Variants in ACBD6 observed in about 807,000 individuals in gnomAD.
The protein encoded by ACBD6 is acyl-CoA-binding domain-containing protein 6.
A neutral mutation model predicts 37.2 loss-of-function variants in ACBD6; 28 were observed. That is an observed-to-expected ratio of 0.75 (90% CI 0.56 to 1.03). The LOEUF (loss-of-function observed/expected upper bound fraction) is 1.03, where lower values mean the gene tolerates loss of function less well. Among genes scored for constraint, ACBD6 ranks in the 50% least tolerant of loss-of-function variants. The probability of loss-of-function intolerance (pLI) is 0.00; values close to 1 mark genes in which losing one functional copy is unlikely to be tolerated. For synonymous variants in ACBD6, 113 were observed against 126.8 expected (o/e 0.89, Z 0.73); for missense variants, 340 against 337.4 (o/e 1.01, Z -0.06).
intron 6 of ACBD6, among the ~76,000 whole-genome samples, chr1:180,383,387 C>T (rs1653732230): frequency 6.6e-6 from 1 of 152,022 alleles, no homozygotes; most frequent in Admixed American, 6.6e-5. Context: ...GGTTTCCGTA[C>T]CCCAATAATG....
chr1:180,459,295 A>T (rs1224902480), intron 3 of ACBD6, among the ~76,000 whole-genome samples: 1 of 152,216 alleles, frequency 6.6e-6, no homozygotes, highest in Non-Finnish European at 1.5e-5. Flanking sequence ...AATTATAATT[A>T]CTGTTCTATT....
intron 4 of ACBD6, among the ~76,000 whole-genome samples, chr1:180,421,550 C>A (rs1008794364): frequency 2.6e-5 from 4 of 152,114 alleles, no homozygotes; most frequent in Non-Finnish European, 5.9e-5. Context: ...GTTATTTCTG[C>A]CTCTAGGTCT....
At chr1:180,435,208 G>A in intron 3 of ACBD6, 1 of 685,074 alleles carries the variant, frequency 1.5e-6, no homozygotes, top group Non-Finnish European at 2.7e-6. Context: ...TCCATCTGGG[G>A]TACTCTGGTG....
chr1:180,364,472 T>A (rs780269273), intron 6 of ACBD6, among the ~76,000 whole-genome samples: 1 of 152,242 alleles, frequency 6.6e-6, no homozygotes, highest in Non-Finnish European at 1.5e-5. Flanking sequence ...GGTTGACACC[T>A]GGAAGGGAGG....
At chr1:180,419,866 G>A (rs140921702) in intron 4 of ACBD6, among the ~76,000 whole-genome samples, 17 of 150,262 alleles carry the variant, frequency 1.1e-4, no homozygotes, top group African/African-American at 3.5e-4. Context: ...AGAGGTGGCA[G>A]GTGAGGCAGG....
At chr1:180,457,581 G>T (rs1438500510) in intron 3 of ACBD6, among the ~76,000 whole-genome samples, 1 of 152,068 alleles carries the variant, frequency 6.6e-6, no homozygotes, top group Non-Finnish European at 1.5e-5. Flanking sequence ...TAGTGCTAAG[G>T]AATCTTACAA....
exon 14 of ACBD6, chr1:180,271,561 C>T (rs373498977): frequency 9.9e-6 from 16 of 1,613,392 alleles, no homozygotes; most frequent in Non-Finnish European, 1.3e-5. Context: ...CCTGTGCCCT[C>T]CGGGGATCCC....
intron 5 of ACBD6, among the ~76,000 whole-genome samples, chr1:180,408,354 T>A (rs1306180281): frequency 6.6e-6 from 1 of 152,154 alleles, no homozygotes; most frequent in Admixed American, 6.5e-5. Flanking sequence ...AAATGATGAG[T>A]TCATGTCCTT....
chr1:180,274,053 C>A, exon 11 of ACBD6: 2 of 1,131,014 alleles, frequency 1.8e-6, no homozygotes, highest in Non-Finnish European at 2.6e-6. Flanking sequence ...GTGTGTCTGA[C>A]CCATGCTTGG....
chr1:180,360,900 T>C (rs1423709539), intron 6 of ACBD6, among the ~76,000 whole-genome samples: 1 of 152,118 alleles, frequency 6.6e-6, no homozygotes, highest in African/African-American at 2.4e-5. Flanking sequence ...CATCAACGGA[T>C]GTGTTGGAAG....
chr1:180,487,931 CCA>C (rs1651339265), intron 3 of ACBD6, among the ~76,000 whole-genome samples: 1 of 152,124 alleles, frequency 6.6e-6, no homozygotes, highest in Non-Finnish European at 1.5e-5. Context: ...TTAGTACTAG[CCA>C]CAGTTTCAGG....
chr1:180,446,169 A>G (rs1346445549), intron 3 of ACBD6, among the ~76,000 whole-genome samples: 2 of 139,864 alleles, frequency 1.4e-5, no homozygotes, highest in Non-Finnish European at 3.1e-5. Flanking sequence ...CGCCGGGATA[A>G]TTTTTTTTTT....
At chr1:180,359,592 C>T (rs75221142) in intron 6 of ACBD6, among the ~76,000 whole-genome samples, 221 of 152,254 alleles carry the variant, frequency 1.5e-3, no homozygotes, top group African/African-American at 5.0e-3. Flanking sequence ...TGAATTACTA[C>T]CAAGCATTTA....
intron 3 of ACBD6, among the ~76,000 whole-genome samples, chr1:180,479,305 T>C (rs2102068214): frequency 6.6e-6 from 1 of 152,306 alleles, no homozygotes. Flanking sequence ...AATGAAATAT[T>C]ACGCAGCTAT....
intron 6 of ACBD6, among the ~76,000 whole-genome samples, chr1:180,347,364 T>G (rs1571390684): frequency 3.7e-5 from 5 of 136,478 alleles, no homozygotes; most frequent in South Asian, 2.2e-4. Flanking sequence ...CAGAAAGTTT[T>G]TTTTTTTTTT....
chr1:180,322,744 T>TC (rs1398033421), intron 6 of ACBD6, among the ~76,000 whole-genome samples: 2 of 151,270 alleles, frequency 1.3e-5, no homozygotes, highest in Admixed American at 1.3e-4. Flanking sequence ...GTCTTCTCTT[T>TC]TTTTTTTTTA....
intron 6 of ACBD6, among the ~76,000 whole-genome samples, chr1:180,388,453 T>C (rs1339964528): frequency 6.6e-6 from 1 of 152,250 alleles, no homozygotes; most frequent in Non-Finnish European, 1.5e-5. Flanking sequence ...GTATTTCCCA[T>C]CTGGTTTTAT....
In ACBD6 at chr1:180,405,873, G is replaced by A. The variant is rs143478972; in HGVS notation, c.573+7493C>T. 1.1e-4 allele frequency among the ~76,000 whole-genome samples: 17 copies of A among 152,080 alleles called. 1 individual carries two copies. In the East Asian group the frequency reaches 3.1e-3, roughly 28 times the overall value. On this transcript the variant is annotated intron_variant, in intron 5 of 7. Coordinates refer to ENST00000367595, the MANE Select transcript of ACBD6 (RefSeq NM_032360.4). Reference sequence around the variant, plus strand: ...TATGTGTGAAGAGCTGTACTAATGTGGGTCAAGGATAAAAATTGAACCGCC... The same window carrying A: ...TATGTGTGAAGAGCTGTACTAATGTAGGTCAAGGATAAAAATTGAACCGCC...
intron 7 of ACBD6, among the ~76,000 whole-genome samples, chr1:180,308,979 T>A (rs74132457): frequency 0.043 from 6,543 of 152,212 alleles, 445 homozygotes; most frequent in African/African-American, 0.14. Context: ...TTAAAATAAT[T>A]TAACTTTTGA....
Sources: gnomAD v4.1 joint callset for allele counts (sites outside exome capture counted in the v4.1 genomes callset) on GRCh38, gnomAD v4.1.1 for gene constraint, MANE v1.5 for transcripts, NCBI Gene and HGNC (gene_info 2026-07-23, HGNC 2026-07-21) for gene names.